Variants in NAPSA observed in about 807,000 individuals in gnomAD.
NAPSA encodes napsin-A.
A neutral mutation model predicts 36.7 loss-of-function variants in NAPSA; 37 were observed. The ratio of observed to expected loss-of-function variants is 1.01; its 90% CI spans 0.78 to 1.33. The LOEUF is 1.33. NAPSA is among the 40% of genes most tolerant of loss of function. The pLI is 0.00. For missense variants in NAPSA, 532 were observed against 543.8 expected, an observed-to-expected ratio of 0.98 and a Z score of 0.21; for synonymous variants, 222 against 234.5, an observed-to-expected ratio of 0.95 and a Z score of 0.49.
In NAPSA at chr19:50,358,654, C is replaced by T; in HGVS notation, c.1162G>A (p.Gly388Arg). 1 of 1,613,132 alleles carries T rather than the reference C, an allele frequency of 6.2e-7. No individual in the cohort carries two copies. The highest frequency in any genetic ancestry group is 8.5e-7 in the Non-Finnish European group (1 of 1,179,926). Residue 388 changes from glycine to arginine, a missense_variant, in exon 9 of 9, where the codon GGG (glycine) becomes AGG (arginine). Around this residue, in one of 3 missense-constraint regions of NAPSA, gnomAD observed 385 missense variants for 371.5 expected, o/e 1.04. Transcript: ENST00000253719. ...ACCCGGGCGCTGCTCTTCATGTCCC[C>T]GCGGTCGAAGACGGCCACATACGTC... Reference protein sequence around the residue: ...LGTYVAVFDRGDMKSSARVGL... With the variant: ...LGTYVAVFDRRDMKSSARVGL...
chr19:50,362,720 A>G (rs1165980039), intron 1 of NAPSA: 1 of 157,322 alleles, frequency 6.4e-6, no homozygotes, highest in African/African-American at 2.4e-5. Flanking sequence ...GTAAGCGTCA[A>G]ATCTTAATTG....
At chr19:50,361,809 G>T (rs757962918) in intron 3 of NAPSA, 28 bp from the exon 4 acceptor site, 30 of 1,606,284 alleles carry the variant, frequency 1.9e-5, no homozygotes, top group Middle Eastern at 1.7e-4. Context: ...AAGGTGTCAT[G>T]GGGGAGGGAA....
intron 1 of NAPSA, 107 bp from the exon 2 acceptor site, chr19:50,362,420 C>T: frequency 9.8e-7 from 1 of 1,025,268 alleles, no homozygotes. Context: ...CAAGGCACTA[C>T]AATAGTAGTC....
Position 50,363,125 on chromosome 19 carries a change from T to C in NAPSA, c.84-812A>G, listed in dbSNP as rs181444528. Among the ~76,000 whole-genome samples, 8 of 152,338 alleles carry C rather than the reference T, an allele frequency of 5.3e-5. No homozygotes were observed. In the East Asian group the frequency reaches 1.5e-3, roughly 29 times the overall value. On this transcript the variant is annotated intron_variant, in intron 1 of 8. Coordinates refer to ENST00000253719, the MANE Select transcript of NAPSA (RefSeq NM_004851.3). ...GCGGTAATATCTTCGTTCCTGCCTT[T>C]AGTCACTCCTTGAAGCACTTGTCAC...
rs573550341 is a variant in NAPSA at position 50,359,020 on chromosome 19, G to A, written c.1026C>T (p.Tyr342=). Residue 342 remains tyrosine (Y), a synonymous_variant, in exon 8 of 9, where the codon TAC becomes TAT. Transcript: ENST00000253719. ...GGTGATGGCCACCTACCTGGATGAC[G>A]TAATCATGGGCCGTGAGGTTAAACC... ...GVWFNLTAHD[Y]VIQTTRNGVR... 2.8e-5 allele frequency: 45 copies of A among 1,613,406 alleles called. No individual in the cohort carries two copies. Among genetic ancestry groups the A allele is most frequent in the Non-Finnish European group, 3.5e-5 (41 of 1,179,512 alleles).
At chr19:50,361,415 A>T in intron 4 of NAPSA, 1 of 582,636 alleles carries the variant, frequency 1.7e-6, no homozygotes, top group South Asian at 2.1e-5. Flanking sequence ...CTGCTTGAGA[A>T]GCCCCACCTC....
At position 50,361,957 on chromosome 19, in the gene NAPSA, A is replaced by G. The variant is rs957600557; in HGVS notation, c.349+12T>C. The G allele has an allele frequency of 4.4e-6, 7 of 1,591,992 alleles. No individual in the cohort carries two copies. The highest frequency in any genetic ancestry group is 1.1e-5 in the South Asian group (1 of 88,790). Reference sequence around the variant, plus strand: ...CCCCCATTCAGCCTTATTCTCCCACATAGAAGCTCACAGCAGGGCACACTG... The same window carrying G: ...CCCCCATTCAGCCTTATTCTCCCACGTAGAAGCTCACAGCAGGGCACACTG... On this transcript the variant is annotated intron_variant, in intron 3 of 8. Coordinates refer to ENST00000253719, the MANE Select transcript of NAPSA (RefSeq NM_004851.3).
At position 50,362,024 on chromosome 19, in the gene NAPSA, G is replaced by A; in HGVS notation, c.294C>T (p.Gly98=). 1 of 1,611,202 alleles carries A rather than the reference G, an allele frequency of 6.2e-7. No individual in the cohort carries two copies. Among genetic ancestry groups the A allele is most frequent in the Non-Finnish European group, 8.5e-7 (1 of 1,178,940 alleles). Residue 98 remains glycine, a synonymous_variant, in exon 3 of 9, where the codon GGC becomes GGT. Coordinates refer to ENST00000253719, the MANE Select transcript of NAPSA (RefSeq NM_004851.3). ...PQNFTVAFDT[G]SSNLWVPSRR... is the part of the protein sequence containing the mutation. ...TGGACGGGACCCAGAGATTGGAGGA[G>A]CCAGTGTCAAAGGCAACAGTGAAGT...
chr19:50,358,815 G>T, intron 8 of NAPSA, 35 bp from the exon 9 acceptor site: 1 of 1,559,342 alleles, frequency 6.4e-7, no homozygotes, highest in Non-Finnish European at 8.7e-7. Flanking sequence ...GGGTGTCGCG[G>T]CCACAAGGAC....
chr19:50,362,999 G>A (rs770391155), intron 1 of NAPSA, among the ~76,000 whole-genome samples: 1 of 152,168 alleles, frequency 6.6e-6, no homozygotes, highest in African/African-American at 2.4e-5. Flanking sequence ...AGGTCATGAC[G>A]ATGCTGTTGA....
chr19:50,361,400 C>T, intron 4 of NAPSA: 1 of 586,788 alleles, frequency 1.7e-6, no homozygotes, highest in African/African-American at 1.9e-5. Context: ...GGAAGCTCCT[C>T]CTCCCTGCTT....
chr19:50,365,900 C>G (rs749786037), upstream of NAPSA: 2 of 319,722 alleles, frequency 6.3e-6, no homozygotes, highest in Admixed American at 4.9e-5. Flanking sequence ...CTCCCACCCC[C>G]CCATCCTTCA....
At chr19:50,367,528 C>G (rs79203796), upstream of NAPSA, among the ~76,000 whole-genome samples, 1 of 151,250 alleles carries the variant, frequency 6.6e-6, no homozygotes, top group Non-Finnish European at 1.5e-5. Context: ...TTCTCTCAAA[C>G]AGAGTCAGTC....
At chr19:50,363,712 C>A (rs1288401127) in intron 1 of NAPSA, among the ~76,000 whole-genome samples, 1 of 152,040 alleles carries the variant, frequency 6.6e-6, no homozygotes, top group Non-Finnish European at 1.5e-5. Context: ...CATGGGTGTG[C>A]ACCACCACAC....
At position 50,359,200 on chromosome 19, in the gene NAPSA, A is replaced by G. The variant is rs891590241; in HGVS notation, c.937-91T>C. 5 of 1,171,038 alleles carry G rather than the reference A, an allele frequency of 4.3e-6. No individual in the cohort carries two copies. In the East Asian group the frequency reaches 9.4e-5, roughly 22 times the overall value. The allele number at this position is 1,171,038 out of a possible 1,614,324, so 72.5% of individuals were successfully genotyped here. On this transcript the variant is annotated intron_variant, in intron 7 of 8. Transcript: ENST00000253719. ...CCCAGTGCCATAGGGTAATTTCCCT[A>G]TTGAGCACCTGGGTACTCAGCGTCC...
Position 50,359,553 on chromosome 19 carries a change from T to C in NAPSA, c.886A>G (p.Ile296Val), listed in dbSNP as rs1446048648. The C allele has an allele frequency of 6.2e-7, 1 of 1,614,102 alleles. No homozygotes were observed. The change falls in exon 7 of 9, where the codon ATC becomes GTC. Residue 296 changes from isoleucine (I) to valine (V), a missense_variant. Transcript: ENST00000253719. Reference protein sequence around the residue: ...TSLITGPTEEIRALHAAIGGI... With the variant: ...TSLITGPTEEVRALHAAIGGI... ...CCAATGGCTGCATGCAGGGCCCGGA[T>C]CTCCTCAGTGGGTCCTGTGATGAGG... is the stretch of plus-strand genomic sequence containing the variant.
At chr19:50,363,849 C>T (rs60132559) in intron 1 of NAPSA, among the ~76,000 whole-genome samples, 47,995 of 151,898 alleles carry the variant, frequency 0.32, 7,801 homozygotes, top group Admixed American at 0.39. Context: ...CAGGTGTGAG[C>T]CATGTCTCTG....
chr19:50,365,573 G>T lies in NAPSA; in HGVS notation c.49C>A (p.Leu17Met), dbSNP rs772703678. Residue 17 changes from leucine to methionine, a missense_variant, in exon 1 of 9, where the codon CTG (leucine) becomes ATG (methionine). Leu to Met is a conservative substitution (Grantham distance 15). This residue lies in a region of NAPSA where 102 missense variants were observed against 93.6 expected (regional missense o/e 1.09). Transcript: ENST00000253719. ...LQPLLLLLPL[L>M]NVEPSGATLI... ...GTGGCCCCGGAAGGCTCCACATTCA[G>T]CAGAGGCAGCAGCAGCAGCAGGGGT... 3.7e-6 allele frequency: 6 copies of T among 1,613,662 alleles called. No homozygotes were observed. The highest frequency in any genetic ancestry group is 5.1e-6 in the Non-Finnish European group (6 of 1,179,864).
In NAPSA at chr19:50,361,107, C is replaced by T. The variant is rs141372464; in HGVS notation, c.502G>A (p.Gly168Arg). ...GGIKGASVIF[G>R]EALWEPSLVF... ...AGGCTGGGCTCCCAGAGAGCCTCCC[C>T]GAAAATCACTGATGCACCCTTGATT... is the stretch of plus-strand genomic sequence containing the variant. The change falls in exon 5 of 9, where the codon GGG (glycine) becomes AGG (arginine). Residue 168 changes from glycine (G) to arginine (R), a missense_variant. Transcript: ENST00000253719. The T allele has an allele frequency of 1.5e-4, 237 of 1,613,974 alleles. No individual in the cohort carries two copies. Among genetic ancestry groups the T allele is most frequent in the Admixed American group, 3.7e-4 (22 of 60,024 alleles).
Sources: allele counts gnomAD v4.1 joint callset (sites outside exome capture counted in the v4.1 genomes callset), GRCh38; gene constraint gnomAD v4.1.1; regional missense constraint gnomAD v4.1.1; transcripts MANE v1.5; gene names NCBI Gene and HGNC (gene_info 2026-07-23, HGNC 2026-07-21).